The following TRPC4 variants were observed in gnomAD, a reference collection of about 807,000 sequenced individuals.
The protein encoded by TRPC4 is transient receptor potential cation channel subfamily C member 4.
Under a neutral mutation model 99.4 loss-of-function variants are expected in TRPC4, and 49 were observed. The observed-to-expected ratio is 0.49, with a 90% CI of 0.39 to 0.63. The LOEUF is 0.63. Ranked by LOEUF, TRPC4 falls within the 20% of genes least tolerant of loss-of-function variation. The probability of loss-of-function intolerance (pLI) is 0.00; values close to 1 mark genes in which losing one functional copy is unlikely to be tolerated. For synonymous variants in TRPC4, 454 were observed against 425.9 expected, an observed-to-expected ratio of 1.07 and a Z score of -0.81; for missense variants, 898 against 1,152.9, an observed-to-expected ratio of 0.78 and a Z score of 3.20.
At chr13:37,684,607 A>C (rs1953394793) in intron 4 of TRPC4, among the ~76,000 whole-genome samples, 1 of 152,110 alleles carries the variant, frequency 6.6e-6, no homozygotes, top group Non-Finnish European at 1.5e-5. Context: ...ATATTTCTCC[A>C]ATTCCTTGTT....
chr13:37,805,382 C>T (rs1957505754), intron 1 of TRPC4, among the ~76,000 whole-genome samples: 1 of 151,738 alleles, frequency 6.6e-6, no homozygotes, highest in African/African-American at 2.4e-5. Context: ...GTATATATAC[C>T]CTGTCTCCTT....
chr13:37,812,995 A>C (rs542517844), intron 1 of TRPC4, among the ~76,000 whole-genome samples: 1 of 152,082 alleles, frequency 6.6e-6, no homozygotes, highest in African/African-American at 2.4e-5. Context: ...GCAACTCTAA[A>C]ATATTGAAAA....
intron 1 of TRPC4, among the ~76,000 whole-genome samples, chr13:37,804,007 C>T (rs937283164): frequency 3.3e-5 from 5 of 152,050 alleles, no homozygotes; most frequent in Admixed American, 6.6e-5. Context: ...AATTGTGGCT[C>T]TGGAGGATGA....
intron 7 of TRPC4, among the ~76,000 whole-genome samples, chr13:37,654,834 A>G (rs61955482): frequency 0.12 from 17,797 of 152,198 alleles, 1,139 homozygotes; most frequent in East Asian, 0.3. Context: ...ACTACTTCCC[A>G]TAGCCAATGG....
chr13:37,763,526 G>A (rs1478835124), intron 2 of TRPC4, among the ~76,000 whole-genome samples: 1 of 151,548 alleles, frequency 6.6e-6, no homozygotes, highest in Non-Finnish European at 1.5e-5. Flanking sequence ...TAAGATTGCT[G>A]GGCACCACTG....
intron 1 of TRPC4, among the ~76,000 whole-genome samples, chr13:37,803,969 G>A (rs1177277512): frequency 6.6e-6 from 1 of 152,114 alleles, no homozygotes; most frequent in Non-Finnish European, 1.5e-5. Context: ...CCCTGTTAAT[G>A]TTAGATTTAA....
chr13:37,787,684 T>C (rs188761215), intron 1 of TRPC4, among the ~76,000 whole-genome samples: 34 of 152,192 alleles, frequency 2.2e-4, no homozygotes, highest in East Asian at 2.1e-3. Context: ...AACTACTAAA[T>C]TTCTTTGAGA....
intron 1 of TRPC4, among the ~76,000 whole-genome samples, chr13:37,838,318 C>T (rs1456574797): frequency 6.6e-6 from 1 of 152,184 alleles, no homozygotes; most frequent in Non-Finnish European, 1.5e-5. Context: ...TGCAAATTCA[C>T]ATGCTCTACC....
rs1566067398 is a variant in TRPC4 at position 37,649,756 on chromosome 13, AAAAACAAC to A, written c.2079+1501_2079+1508del. ...CAAAAAAAAAAAAAAAAAAAAAAAA[AAAAACAAC>A]AACAAAGAACTAAGCTATTACATTT... On this transcript the variant is annotated intron_variant, in intron 8 of 10. Transcript: ENST00000379705. Among the ~76,000 whole-genome samples, 3 of 129,266 alleles carry A rather than the reference AAAAACAAC, an allele frequency of 2.3e-5. 1 individual carries two copies. Among genetic ancestry groups the A allele is most frequent in the Admixed American group, 1.5e-4 (2 of 13,266 alleles). The allele number at this position is 129,266 out of a possible 152,430, so 84.8% of individuals were successfully genotyped here.
intron 1 of TRPC4, among the ~76,000 whole-genome samples, chr13:37,799,290 A>G (rs1957336018): frequency 6.6e-6 from 1 of 152,150 alleles, no homozygotes; most frequent in Non-Finnish European, 1.5e-5. Context: ...CTTAGCCTCT[A>G]GCAATGCATG....
chr13:37,852,751 A>G (rs1959091316), intron 1 of TRPC4, among the ~76,000 whole-genome samples: 1 of 152,164 alleles, frequency 6.6e-6, no homozygotes, highest in African/African-American at 2.4e-5. Context: ...GGTGAGTCCC[A>G]GGCTGTGCAG....
chr13:37,810,422 T>A (rs1206585844), intron 1 of TRPC4, among the ~76,000 whole-genome samples: 1 of 152,086 alleles, frequency 6.6e-6, no homozygotes, highest in South Asian at 2.1e-4. Context: ...TCTCTCACTG[T>A]CTTGATACTA....
At chr13:37,689,109 G>A (rs561196593) in intron 4 of TRPC4, among the ~76,000 whole-genome samples, 5 of 152,194 alleles carry the variant, frequency 3.3e-5, no homozygotes, top group South Asian at 4.1e-4. Context: ...TACCTCCCCC[G>A]AAAGGATCAG....
chr13:37,773,730 T>G (rs1198925992), intron 2 of TRPC4, among the ~76,000 whole-genome samples: 1 of 151,832 alleles, frequency 6.6e-6, no homozygotes, highest in Admixed American at 6.6e-5. Context: ...CTTAAGAGAA[T>G]GCTTGATAAA....
chr13:37,789,324 C>T (rs962841778), intron 1 of TRPC4, among the ~76,000 whole-genome samples: 3 of 152,110 alleles, frequency 2.0e-5, no homozygotes, highest in Non-Finnish European at 4.4e-5. Context: ...CTTAGCAACT[C>T]CTGCCGGGTT....
chr13:37,632,284 A>C lies in TRPC4; in HGVS notation c.*4619T>G, dbSNP rs1040587301. 1.3e-5 allele frequency among the ~76,000 whole-genome samples: 2 copies of C among 152,220 alleles called. No individual in the cohort carries two copies. Among genetic ancestry groups the C allele is most frequent in the Non-Finnish European group, 2.9e-5 (2 of 68,036 alleles). On this transcript the variant is annotated 3_prime_UTR_variant, in exon 11 of 11. Coordinates refer to ENST00000379705, the MANE Select transcript of TRPC4 (RefSeq NM_016179.4). ...TTTCTAGTAGCCACATTGTAAAAGG[A>C]AAAAGAAACATCAAACTCATTTACT... is the stretch of plus-strand genomic sequence containing the variant.
intron 3 of TRPC4, among the ~76,000 whole-genome samples, chr13:37,699,389 A>G (rs1368027619): frequency 6.6e-6 from 1 of 152,170 alleles, no homozygotes; most frequent in Non-Finnish European, 1.5e-5. Flanking sequence ...TCAGCATAAT[A>G]ATAATAATTA....
chr13:37,699,047 T>G lies in TRPC4; in HGVS notation c.898-6712A>C, dbSNP rs184428897. Reference sequence around the variant, plus strand: ...TAAGAGCACATAAGCCTTAGAGAAATCCCATTGGGATTTGAATCTTGGATC... The same window carrying G: ...TAAGAGCACATAAGCCTTAGAGAAAGCCCATTGGGATTTGAATCTTGGATC... On this transcript the variant is annotated intron_variant, in intron 3 of 10. Transcript: ENST00000379705. Among the ~76,000 whole-genome samples the G allele has an allele frequency of 2.9e-3, 441 of 152,290 alleles. 2 individuals carry two copies. The highest frequency in any genetic ancestry group is 0.01 in the African/African-American group (420 of 41,558).
intron 1 of TRPC4, among the ~76,000 whole-genome samples, chr13:37,810,918 A>G (rs936579491): frequency 1.3e-5 from 2 of 152,056 alleles, no homozygotes. Context: ...TATTTTAGTT[A>G]TAGCACATGT....
Sources: gnomAD v4.1 joint callset for allele counts (sites outside exome capture counted in the v4.1 genomes callset) on GRCh38, gnomAD v4.1.1 for gene constraint, MANE v1.5 for transcripts, NCBI Gene and HGNC (gene_info 2026-07-23, HGNC 2026-07-21) for gene names.